The following EME2 variants were observed in gnomAD, a reference collection of about 807,000 sequenced individuals.
The protein encoded by EME2 is essential meiotic structure-specific endonuclease subunit 2.
In EME2, 58 loss-of-function variants were observed where a neutral mutation model predicts 41.9. The ratio of observed to expected loss-of-function variants is 1.38; its 90% CI spans 1.12 to 1.72. EME2 has a LOEUF of 1.72. EME2 is among the 40% of genes most tolerant of loss of function. The pLI is 0.00. For synonymous variants in EME2, 334 were observed against 239.3 expected (o/e 1.40, Z -3.65); for missense variants, 695 against 541.9 (o/e 1.28, Z -2.81).
chr16:1,778,747 G>A lies in EME2; in HGVS notation c.*2509G>A. On this transcript the variant is annotated 3_prime_UTR_variant, in exon 8 of 8. Transcript: ENST00000568449. ...GGTCCAGGCCTCCAGGGACTTCACA[G>A]TACCCCGAGCGCACAGCCCAGGCTC... 1 of 985,066 alleles carries A rather than the reference G, an allele frequency of 1.0e-6. No homozygotes were observed. Among genetic ancestry groups the A allele is most frequent in the Non-Finnish European group, 1.4e-6 (1 of 694,588 alleles). The allele number at this position is 985,066 out of a possible 1,614,324, so 61.0% of individuals were successfully genotyped here.
In EME2 at chr16:1,781,467, C is replaced by T. The variant is rs1263754033; in HGVS notation, c.*5229C>T. On this transcript the variant is annotated 3_prime_UTR_variant, in exon 8 of 8. Coordinates refer to ENST00000568449, the MANE Select transcript of EME2 (RefSeq NM_001257370.2). ...GACGAAGTGCCAGGCCCTGCTGTTC[C>T]GGGGGCGTCTGGCCATGGTGGAAAG... The T allele has an allele frequency of 3.1e-6, 5 of 1,612,432 alleles. No homozygotes were observed. Among genetic ancestry groups the T allele is most frequent in the Non-Finnish European group, 4.2e-6 (5 of 1,179,894 alleles).
At chr16:1,773,507 A>C (rs999910218) in intron 1 of EME2, 33 bp downstream of exon 1, 1 of 1,569,258 alleles carries the variant, frequency 6.4e-7, no homozygotes, top group Non-Finnish European at 8.6e-7. Flanking sequence ...TACTCGGGGT[A>C]GGAAAGGCCT....
At position 1,777,355 on chromosome 16, in the gene EME2, G is replaced by A. The variant is rs1259088001; in HGVS notation, c.*1117G>A. Reference sequence around the variant, plus strand: ...ACTGGAGGGAAGTGGCGCTGGCACAGGAGCGGGTGACCTTCATGCTGCTCC... The same window carrying A: ...ACTGGAGGGAAGTGGCGCTGGCACAAGAGCGGGTGACCTTCATGCTGCTCC... On this transcript the variant is annotated 3_prime_UTR_variant, in exon 8 of 8. Transcript: ENST00000568449. 1.2e-6 allele frequency: 2 copies of A among 1,606,642 alleles called. No homozygotes were observed. The highest frequency in any genetic ancestry group is 1.7e-6 in the Non-Finnish European group (2 of 1,178,710).
Position 1,773,000 on chromosome 16 carries a change from G to A in EME2, c.-228G>A, listed in dbSNP as rs772298168. On this transcript the variant is annotated 5_prime_UTR_variant, in exon 1 of 8. Transcript: ENST00000568449. ...GGCGTCCAGAGAACGGCCGCGTCAA[G>A]GTCTCGTAGTCCACCGCGTAGAGCT... is the stretch of plus-strand genomic sequence containing the variant. 4.8e-6 allele frequency: 7 copies of A among 1,455,328 alleles called. No homozygotes were observed. The highest frequency in any genetic ancestry group is 1.5e-5 in the African/African-American group (1 of 67,058). The allele number at this position is 1,455,328 out of a possible 1,614,324, so 90.2% of individuals were successfully genotyped here.
At position 1,776,709 on chromosome 16, in the gene EME2, A is replaced by G. The variant is rs2042718006; in HGVS notation, c.*471A>G. 1.3e-5 allele frequency: 4 copies of G among 311,660 alleles called. No individual in the cohort carries two copies. The highest frequency in any genetic ancestry group is 2.4e-5 in the Non-Finnish European group (4 of 167,262). The allele number at this position is 311,660 out of a possible 1,614,324, so 19.3% of individuals were successfully genotyped here. On this transcript the variant is annotated 3_prime_UTR_variant, in exon 8 of 8. Coordinates refer to ENST00000568449, the MANE Select transcript of EME2 (RefSeq NM_001257370.2). ...GCACGGATACGTTTCAGCTCACGCCATGTGGGTGTTAGACATCAACTCTAC... is the reference window on the plus strand; with the variant it reads ...GCACGGATACGTTTCAGCTCACGCCGTGTGGGTGTTAGACATCAACTCTAC...
At position 1,778,637 on chromosome 16, in the gene EME2, C is replaced by T. The variant is rs754408604; in HGVS notation, c.*2399C>T. On this transcript the variant is annotated 3_prime_UTR_variant, in exon 8 of 8. Transcript: ENST00000568449. ...GCTGGGAGAGAAGGGCCGGCTGTTA[C>T]TACCTGTTGCCCGCTCTCTACCCTC... 6.5e-6 allele frequency: 10 copies of T among 1,527,354 alleles called. No individual in the cohort carries two copies. Among genetic ancestry groups the T allele is most frequent in the Admixed American group, 1.9e-5 (1 of 52,964 alleles). 94.6% of individuals were successfully genotyped at this position (1,527,354 alleles called of 1,614,324 possible). A position where few individuals can be genotyped will look rare whatever the true frequency, so the allele number is the denominator to read the frequency against.
At position 1,778,927 on chromosome 16, in the gene EME2, G is replaced by C. The variant is rs974509875; in HGVS notation, c.*2689G>C. 1 of 278,064 alleles carries C rather than the reference G, an allele frequency of 3.6e-6. No homozygotes were observed. The highest frequency in any genetic ancestry group is 6.7e-6 in the Non-Finnish European group (1 of 148,772). The allele number at this position is 278,064 out of a possible 1,614,324, so 17.2% of individuals were successfully genotyped here. A position where few individuals can be genotyped will look rare whatever the true frequency, so the allele number is the denominator to read the frequency against. On this transcript the variant is annotated 3_prime_UTR_variant, in exon 8 of 8. Transcript: ENST00000568449. Reference sequence around the variant, plus strand: ...ACCCCACCTGCCCAGAGCTGAGATGGTGTGGACACCTTCCCTGCTAGGCCA... The same window carrying C: ...ACCCCACCTGCCCAGAGCTGAGATGCTGTGGACACCTTCCCTGCTAGGCCA...
Position 1,778,215 on chromosome 16 carries a change from G to A in EME2, c.*1977G>A. On this transcript the variant is annotated 3_prime_UTR_variant, in exon 8 of 8. Transcript: ENST00000568449. ...CCCCCAGCTCCTTGGTGCCCCGGAT[G>A]GCCGCTGTGCCGCAGCTGTACTCCA... The A allele has an allele frequency of 1.2e-6, 2 of 1,612,986 alleles. No individual in the cohort carries two copies. Among genetic ancestry groups the A allele is most frequent in the Admixed American group, 1.7e-5 (1 of 60,004 alleles).
In EME2 at chr16:1,777,184, T is replaced by A. The variant is rs772916238; in HGVS notation, c.*946T>A. 3.2e-5 allele frequency: 51 copies of A among 1,610,732 alleles called. No homozygotes were observed. The highest frequency in any genetic ancestry group is 4.2e-5 in the Non-Finnish European group (50 of 1,179,848). The stretch of plus-strand genomic sequence containing the variant: ...AGGTCGCTGCCTGGGGATCGGACAC[T>A]GGAGCCTTGCGGCGGCTGCAACTCA... On this transcript the variant is annotated 3_prime_UTR_variant, in exon 8 of 8. Transcript: ENST00000568449.
rs748045808 is a variant in EME2 at position 1,773,411 on chromosome 16, G to A, written c.184G>A (p.Glu62Lys). 1.3e-6 allele frequency: 2 copies of A among 1,566,356 alleles called. No homozygotes were observed. The highest frequency in any genetic ancestry group is 1.7e-6 in the Non-Finnish European group (2 of 1,165,366). The change falls in exon 1 of 8, where the codon GAG (glutamate) becomes AAG (lysine). Residue 62 changes from glutamate to lysine, a missense_variant. Glu to Lys is a moderately conservative substitution (Grantham distance 56). Transcript: ENST00000568449. ...AGCGGGTGAGCGCAGGGCGGCTGCC[G>A]AGGCGTTGCGGCTGCTGCGGCCGGA... ...DPAGERRAAA[E>K]ALRLLRPEQV...
rs900971288 is a variant in EME2 at position 1,776,743 on chromosome 16, C to T, written c.*505C>T. The T allele has an allele frequency of 3.8e-5, 14 of 368,370 alleles. No individual in the cohort carries two copies. Among genetic ancestry groups the T allele is most frequent in the African/African-American group, 2.1e-4 (10 of 47,974 alleles). The allele number at this position is 368,370 out of a possible 1,614,324, so 22.8% of individuals were successfully genotyped here. On this transcript the variant is annotated 3_prime_UTR_variant, in exon 8 of 8. Coordinates refer to ENST00000568449, the MANE Select transcript of EME2 (RefSeq NM_001257370.2). ...TTAGACATCAACTCTACATTTATTG[C>T]AGTCCTTTAAGTCTATGACGGCGGG... is the stretch of plus-strand genomic sequence containing the variant.
chr16:1,773,920 T>A, intron 2 of EME2, 79 bp downstream of exon 2: 1 of 1,445,792 alleles, frequency 6.9e-7, no homozygotes, highest in Non-Finnish European at 9.1e-7. Context: ...GAGCTGTCCC[T>A]GAGGCAGCTG....
Position 1,778,917 on chromosome 16 carries a change from A to T in EME2, c.*2679A>T, listed in dbSNP as rs2042754221. On this transcript the variant is annotated 3_prime_UTR_variant, in exon 8 of 8. Coordinates refer to ENST00000568449, the MANE Select transcript of EME2 (RefSeq NM_001257370.2). ...CCCCAGGTCCACCCCACCTGCCCAG[A>T]GCTGAGATGGTGTGGACACCTTCCC... 3.3e-6 allele frequency: 1 copy of T among 298,890 alleles called. No homozygotes were observed. Among genetic ancestry groups the T allele is most frequent in the Non-Finnish European group, 6.2e-6 (1 of 161,776 alleles). The allele number at this position is 298,890 out of a possible 1,614,324, so 18.5% of individuals were successfully genotyped here.
Position 1,776,429 on chromosome 16 carries a change from T to C in EME2, c.*191T>C, listed in dbSNP as rs949742783. On this transcript the variant is annotated 3_prime_UTR_variant, in exon 8 of 8. Transcript: ENST00000568449. ...AGGTAGCTGGGAGAAGAGGGGCTTC[T>C]GGCTGGCAGATGGCTGGCGGTTCCT... The C allele has an allele frequency of 2.6e-5, 15 of 581,418 alleles. No homozygotes were observed. Among genetic ancestry groups the C allele is most frequent in the Non-Finnish European group, 4.5e-5 (15 of 333,666 alleles). The allele number at this position is 581,418 out of a possible 1,614,324, so 36.0% of individuals were successfully genotyped here.
chr16:1,778,028 C>T lies in EME2; in HGVS notation c.*1790C>T, dbSNP rs564675516. The stretch of plus-strand genomic sequence containing the variant: ...GGCGGTATTTGTCCAGGTCCACATC[C>T]GACGTCCCGATGCCCACCATCTAGG... On this transcript the variant is annotated 3_prime_UTR_variant, in exon 8 of 8. Coordinates refer to ENST00000568449, the MANE Select transcript of EME2 (RefSeq NM_001257370.2). 56 of 1,613,190 alleles carry T rather than the reference C, an allele frequency of 3.5e-5. No individual in the cohort carries two copies. The highest frequency in any genetic ancestry group is 2.9e-4 in the East Asian group (13 of 44,868).
At chr16:1,774,035 G>A (rs2042672610) in intron 2 of EME2, among the ~76,000 whole-genome samples, 194 bp downstream of exon 2, 1 of 152,272 alleles carries the variant, frequency 6.6e-6, no homozygotes, top group Admixed American at 6.5e-5. Context: ...GGCTGGAGAA[G>A]GTTCCGTCTC....
In EME2 at chr16:1,776,216, T is replaced by A. The variant is rs1275776961; in HGVS notation, c.1118T>A (p.Leu373His). ...CLFLTTANPD[L>H]LLDLGS ...TTCCTGACCACAGCCAACCCTGATC[T>A]CCTGCTGGACCTGGGCTCCTGACCA... Residue 373 changes from leucine (L) to histidine (H), a missense_variant, in exon 8 of 8, where the codon CTC (leucine) becomes CAC (histidine). Physicochemically the swap from Leu to His is moderately conservative, Grantham distance 99. Coordinates refer to ENST00000568449, the MANE Select transcript of EME2 (RefSeq NM_001257370.2). 1 of 1,612,408 alleles carries A rather than the reference T, an allele frequency of 6.2e-7. No individual in the cohort carries two copies. Among genetic ancestry groups the A allele is most frequent in the African/African-American group, 1.3e-5 (1 of 74,926 alleles).
At chr16:1,774,023 C>T (rs1024795198) in intron 2 of EME2, among the ~76,000 whole-genome samples, 182 bp downstream of exon 2, 1 of 152,238 alleles carries the variant, frequency 6.6e-6, no homozygotes, top group South Asian at 2.1e-4. Context: ...TAGAGCCGAG[C>T]TGGCTGGAGA....
At position 1,781,597 on chromosome 16, in the gene EME2, G is replaced by A. The variant is rs1315472127; in HGVS notation, c.*5359G>A. 1.0e-5 allele frequency: 13 copies of A among 1,294,496 alleles called. No homozygotes were observed. The highest frequency in any genetic ancestry group is 1.5e-5 in the African/African-American group (1 of 66,584). 80.2% of individuals were successfully genotyped at this position (1,294,496 alleles called of 1,614,324 possible). On this transcript the variant is annotated 3_prime_UTR_variant, in exon 8 of 8. Coordinates refer to ENST00000568449, the MANE Select transcript of EME2 (RefSeq NM_001257370.2). ...ACCCACTCAAAGTGGGGACTGCAGG[G>A]GCCGCACCGGTGCCCAGCCAGGGCT... is the stretch of plus-strand genomic sequence containing the variant.
Sources: allele counts gnomAD v4.1 joint callset (sites outside exome capture counted in the v4.1 genomes callset), GRCh38; gene constraint gnomAD v4.1.1; transcripts MANE v1.5; gene names NCBI Gene and HGNC (gene_info 2026-07-23, HGNC 2026-07-21).